The following SH3GL2 variants were observed in gnomAD, a reference collection of about 807,000 sequenced individuals.
The protein encoded by SH3GL2 is SH3 domain containing GRB2 like 2, endophilin A1, also known as endophilin-A1.
A neutral mutation model predicts 46.0 loss-of-function variants in SH3GL2; 24 were observed. The observed-to-expected ratio is 0.52, with a 90% CI of 0.38 to 0.73. The LOEUF (loss-of-function observed/expected upper bound fraction) is 0.73. Among genes scored for constraint, SH3GL2 ranks in the 30% least tolerant of loss-of-function variants. The pLI is 0.00. For synonymous variants in SH3GL2, 196 were observed against 147.1 expected (o/e 1.33, Z -2.40); for missense variants, 413 against 424.2 (o/e 0.97, Z 0.23).
At chr9:17,766,783 C>T (rs1272952434) in intron 3 of SH3GL2, among the ~76,000 whole-genome samples, 2 of 152,016 alleles carry the variant, frequency 1.3e-5, no homozygotes, top group Admixed American at 6.6e-5. Context: ...GCCAGTGGTG[C>T]CCGTAATAGA....
At chr9:17,738,661 G>GACAGAC (rs1554645345) in intron 1 of SH3GL2, among the ~76,000 whole-genome samples, 1 of 132,104 alleles carries the variant, frequency 7.6e-6, no homozygotes, top group East Asian at 2.2e-4. Context: ...GAGAGAGAGA[G>GACAGAC]AGAGAGAGAG....
At chr9:17,622,810 G>T (rs3808749) in intron 1 of SH3GL2, among the ~76,000 whole-genome samples, 5 of 152,044 alleles carry the variant, frequency 3.3e-5, no homozygotes, top group Non-Finnish European at 5.9e-5. Flanking sequence ...TGGTCACTCC[G>T]TTGGCAGGGT....
Position 17,796,674 on chromosome 9 carries a change from G to A in SH3GL2, c.*931G>A, listed in dbSNP as rs887988869. The A allele has an allele frequency of 9.8e-5, 15 of 152,618 alleles. No homozygotes were observed. The highest frequency in any genetic ancestry group is 3.1e-4 in the African/African-American group (13 of 41,456). The allele number at this position is 152,618 out of a possible 1,614,324, so 9.5% of individuals were successfully genotyped here. On this transcript the variant is annotated 3_prime_UTR_variant, in exon 9 of 9. Coordinates refer to ENST00000380607, the MANE Select transcript of SH3GL2 (RefSeq NM_003026.5). ...CCATCTTTCCACTAGTTCATATACTGAGAAACAGTAAATACCTTTCCTTTC... is the reference window on the plus strand; with the variant it reads ...CCATCTTTCCACTAGTTCATATACTAAGAAACAGTAAATACCTTTCCTTTC...
intron 3 of SH3GL2, among the ~76,000 whole-genome samples, chr9:17,776,642 T>C (rs1823647207): frequency 2.0e-5 from 3 of 151,288 alleles, no homozygotes; most frequent in South Asian, 4.2e-4. Flanking sequence ...TTATTCTTTG[T>C]ACTTTGCATT....
chr9:17,597,775 T>TA (rs1251931678), intron 1 of SH3GL2, among the ~76,000 whole-genome samples: 1 of 152,178 alleles, frequency 6.6e-6, no homozygotes, highest in African/African-American at 2.4e-5. Flanking sequence ...TATTTGGATT[T>TA]AAAAACTCTC....
chr9:17,724,572 T>TGG (rs1821976625), intron 1 of SH3GL2, among the ~76,000 whole-genome samples: 1 of 151,988 alleles, frequency 6.6e-6, no homozygotes, highest in Admixed American at 6.6e-5. Flanking sequence ...TGTGTGTGGA[T>TGG]ATGTGTGTGC....
intron 1 of SH3GL2, among the ~76,000 whole-genome samples, chr9:17,695,556 A>G (rs773384204): frequency 6.6e-6 from 1 of 152,064 alleles, no homozygotes; most frequent in Non-Finnish European, 1.5e-5. Flanking sequence ...GGCAACTTTG[A>G]GGAGGTAACC....
intron 1 of SH3GL2, among the ~76,000 whole-genome samples, chr9:17,735,455 T>C (rs1047724824): frequency 3.9e-5 from 6 of 152,182 alleles, no homozygotes; most frequent in Non-Finnish European, 1.5e-5. Context: ...GTATGACATA[T>C]AGCTACAGTT....
intron 1 of SH3GL2, among the ~76,000 whole-genome samples, chr9:17,666,304 T>C (rs1013206605): frequency 3.9e-5 from 6 of 152,016 alleles, no homozygotes; most frequent in Admixed American, 2.6e-4. Flanking sequence ...CCAATGCTTG[T>C]TGATTTTATT....
At chr9:17,598,863 C>T (rs1818619337) in intron 1 of SH3GL2, among the ~76,000 whole-genome samples, 1 of 152,064 alleles carries the variant, frequency 6.6e-6, no homozygotes, top group Non-Finnish European at 1.5e-5. Context: ...GTGACTCATC[C>T]AAAATAATAC....
At chr9:17,755,751 G>A (rs1822969653) in intron 2 of SH3GL2, 1 of 983,862 alleles carries the variant, frequency 1.0e-6, no homozygotes, top group Non-Finnish European at 1.2e-6. Context: ...CAGTCCTTTT[G>A]TTGCTCCACA....
intron 2 of SH3GL2, among the ~76,000 whole-genome samples, chr9:17,750,600 G>A (rs542228458): frequency 6.6e-6 from 1 of 152,204 alleles, no homozygotes; most frequent in South Asian, 2.1e-4. Flanking sequence ...CATTTTAAAT[G>A]CTGTCTGTTG....
intron 1 of SH3GL2, among the ~76,000 whole-genome samples, chr9:17,709,615 G>C (rs1196810864): frequency 1.3e-5 from 2 of 150,130 alleles, no homozygotes; most frequent in African/African-American, 4.9e-5. Context: ...TAAAGAAAAC[G>C]TTTCTCATTA....
intron 1 of SH3GL2, among the ~76,000 whole-genome samples, chr9:17,738,569 T>TGTGTGTGTGTATATACATAC (rs1258079014): frequency 0.17 from 14,176 of 83,728 alleles, 1,621 homozygotes; most frequent in East Asian, 0.38. Context: ...TACATACATA[T>TGTGTGTGTGTATATACATAC]ATATATAGAG....
chr9:17,659,209 C>T (rs968300089), intron 1 of SH3GL2, among the ~76,000 whole-genome samples: 1 of 152,128 alleles, frequency 6.6e-6, no homozygotes, highest in Non-Finnish European at 1.5e-5. Flanking sequence ...CACTGGGATC[C>T]CATATTATAG....
intron 1 of SH3GL2, among the ~76,000 whole-genome samples, chr9:17,745,739 G>A (rs1351097089): frequency 1.3e-5 from 2 of 152,142 alleles, no homozygotes; most frequent in East Asian, 1.9e-4. Flanking sequence ...ATGGAGCAGG[G>A]TATCCAGGGG....
intron 1 of SH3GL2, among the ~76,000 whole-genome samples, chr9:17,604,603 A>G (rs1818731139): frequency 6.6e-6 from 1 of 152,126 alleles, no homozygotes; most frequent in South Asian, 2.1e-4. Context: ...CCAGTGCATG[A>G]AGTAAGGATG....
intron 1 of SH3GL2, among the ~76,000 whole-genome samples, chr9:17,618,688 A>C (rs1819062313): frequency 6.6e-6 from 1 of 152,110 alleles, no homozygotes; most frequent in South Asian, 2.1e-4. Flanking sequence ...ACTCTTCTAA[A>C]GTTTGTAACA....
chr9:17,758,417 C>G (rs934243216), intron 2 of SH3GL2, among the ~76,000 whole-genome samples: 1 of 151,614 alleles, frequency 6.6e-6, no homozygotes, highest in Non-Finnish European at 1.5e-5. Flanking sequence ...CAAAAATTAG[C>G]CAGGCATGGT....
Sources: allele counts gnomAD v4.1 joint callset (sites outside exome capture counted in the v4.1 genomes callset), GRCh38; gene constraint gnomAD v4.1.1; transcripts MANE v1.5; gene names NCBI Gene and HGNC (gene_info 2026-07-23, HGNC 2026-07-21).